The following LRCH3 variants were observed in gnomAD, a reference collection of about 807,000 sequenced individuals.
The protein encoded by LRCH3 is DISP complex protein LRCH3.
Under a neutral mutation model 104.5 loss-of-function variants are expected in LRCH3, and 68 were observed. The ratio of observed to expected loss-of-function variants is 0.65; its 90% CI spans 0.54 to 0.80. LRCH3 has a LOEUF of 0.80. LRCH3 is among the 30% of genes least tolerant of loss of function. LRCH3 has a pLI of 0.00. For missense variants in LRCH3, 951 were observed against 953.9 expected, an observed-to-expected ratio of 1.00 and a Z score of 0.04; for synonymous variants, 344 against 361.3, an observed-to-expected ratio of 0.95 and a Z score of 0.54.
chr3:197,844,694 T>C (rs1738350132), intron 10 of LRCH3, among the ~76,000 whole-genome samples: 1 of 152,128 alleles, frequency 6.6e-6, no homozygotes, highest in African/African-American at 2.4e-5. Flanking sequence ...CTTGACTCAC[T>C]GCAACCTCCA....
chr3:197,869,191 G>A (rs1328022347), intron 17 of LRCH3, among the ~76,000 whole-genome samples: 3 of 150,370 alleles, frequency 2.0e-5, no homozygotes, highest in South Asian at 4.2e-4. Context: ...AGTAGAAAGC[G>A]ATGCACTGTA....
In LRCH3 at chr3:197,805,360, G is replaced by C. The variant is rs568946873; in HGVS notation, c.263-9548G>C. On this transcript the variant is annotated intron_variant, in intron 1 of 20. Transcript: ENST00000425562. ...TTTTGAAGGAGAAGAACGTGCAACAGAAAAATCAAGGAGGCTTTTTCTTCA... is the reference window on the plus strand; with the variant it reads ...TTTTGAAGGAGAAGAACGTGCAACACAAAAATCAAGGAGGCTTTTTCTTCA... 3.9e-5 allele frequency among the ~76,000 whole-genome samples: 6 copies of C among 152,324 alleles called. No individual in the cohort carries two copies. The East Asian group carries it at 1.2e-3, about 29-fold the overall frequency.
At chr3:197,862,807 C>T (rs976388567) in intron 15 of LRCH3, among the ~76,000 whole-genome samples, 2 of 152,134 alleles carry the variant, frequency 1.3e-5, no homozygotes, top group African/African-American at 4.8e-5. Context: ...AGTTTACTTG[C>T]ATCTATAAAC....
chr3:197,855,732 C>CT (rs1351522333), intron 14 of LRCH3, among the ~76,000 whole-genome samples: 20 of 152,218 alleles, frequency 1.3e-4, no homozygotes, highest in African/African-American at 4.6e-4. Flanking sequence ...GCAAAATCCC[C>CT]TTAGTGCGTA....
intron 10 of LRCH3, among the ~76,000 whole-genome samples, chr3:197,842,954 T>G (rs577140168): frequency 3.5e-4 from 53 of 151,718 alleles, no homozygotes; most frequent in Middle Eastern, 3.4e-3. Context: ...GTGTGGTAGC[T>G]TGCACCTATA....
In LRCH3 at chr3:197,835,706, G is replaced by A; in HGVS notation, c.1135G>A (p.Asp379Asn). 1 of 1,613,768 alleles carries A rather than the reference G, an allele frequency of 6.2e-7. No homozygotes were observed. The highest frequency in any genetic ancestry group is 8.5e-7 in the Non-Finnish European group (1 of 1,179,948). Residue 379 changes from aspartate (D) to asparagine (N), a missense_variant, in exon 9 of 21, where the codon GAC becomes AAC. By Grantham distance (23) the Asp-to-Asn change is conservative (BLOSUM62 1). Coordinates refer to ENST00000425562, the MANE Select transcript of LRCH3 (RefSeq NM_001365715.1). Reference sequence around the variant, plus strand: ...TGATCTGGATCAGATTGACTACATAGACAGCTGCACCGCAGAGGAAGAGGA... The same window carrying A: ...TGATCTGGATCAGATTGACTACATAAACAGCTGCACCGCAGAGGAAGAGGA... ...EHDLDQIDYIDSCTAEEEEAE... is the reference protein window; with the variant it reads ...EHDLDQIDYINSCTAEEEEAE...
intron 8 of LRCH3, among the ~76,000 whole-genome samples, chr3:197,834,926 T>C (rs543696672): frequency 2.8e-4 from 42 of 152,222 alleles, no homozygotes; most frequent in African/African-American, 7.5e-4. Flanking sequence ...GGCGGATCGC[T>C]TGAGCCCAGG....
At chr3:197,843,537 A>G (rs1453707221) in intron 10 of LRCH3, among the ~76,000 whole-genome samples, 2 of 152,180 alleles carry the variant, frequency 1.3e-5, no homozygotes, top group African/African-American at 2.4e-5. Context: ...ACAAAAAATT[A>G]GTTGGGCGTG....
At chr3:197,835,135 C>A (rs1736575527) in intron 8 of LRCH3, among the ~76,000 whole-genome samples, 1 of 151,928 alleles carries the variant, frequency 6.6e-6, no homozygotes, top group African/African-American at 2.4e-5. Context: ...CAAAGGGAGA[C>A]CCTGTCTCAA....
chr3:197,873,012 G>A (rs888818038), intron 19 of LRCH3, among the ~76,000 whole-genome samples: 1 of 152,164 alleles, frequency 6.6e-6, no homozygotes, highest in African/African-American at 2.4e-5. Flanking sequence ...ATCTGTGACC[G>A]ACCTCAGGTG....
At chr3:197,844,395 G>GT (rs967776187) in intron 10 of LRCH3, among the ~76,000 whole-genome samples, 1 of 152,024 alleles carries the variant, frequency 6.6e-6, no homozygotes, top group African/African-American at 2.4e-5. Flanking sequence ...AATGAGAATG[G>GT]TTGTTGTTTT....
intron 20 of LRCH3, among the ~76,000 whole-genome samples, chr3:197,879,366 GCCGGGCGC>G (rs1713284154): frequency 1.3e-5 from 2 of 152,174 alleles, no homozygotes; most frequent in African/African-American, 4.8e-5. Flanking sequence ...ACACCCCCTG[GCCGGGCGC>G]GGTGGCTCAC....
At chr3:197,836,180 T>C (rs1736768630) in intron 9 of LRCH3, among the ~76,000 whole-genome samples, 1 of 152,226 alleles carries the variant, frequency 6.6e-6, no homozygotes, top group African/African-American at 2.4e-5. Flanking sequence ...AAATCATAGT[T>C]TGGTCAGTAG....
rs1417936502 is a variant in LRCH3 at position 197,806,705 on chromosome 3, C to A, written c.263-8203C>A. Among the ~76,000 whole-genome samples, 5 of 150,500 alleles carry A rather than the reference C, an allele frequency of 3.3e-5. No individual in the cohort carries two copies. In the South Asian group the frequency reaches 1.1e-3, roughly 32 times the overall value. ...ACCACCCTGGCTAACATGGTGAAAC[C>A]CTGTCTCTACTAAAAATACAAAATT... On this transcript the variant is annotated intron_variant, in intron 1 of 20. Coordinates refer to ENST00000425562, the MANE Select transcript of LRCH3 (RefSeq NM_001365715.1).
intron 16 of LRCH3, 95 bp downstream of exon 16, chr3:197,865,566 G>T (rs1741388133): frequency 2.6e-6 from 2 of 780,764 alleles, no homozygotes; most frequent in South Asian, 4.9e-5. Context: ...AGGCCTTTCT[G>T]TGTTGACCAG....
chr3:197,795,224 C>A (rs1731054902), intron 1 of LRCH3, among the ~76,000 whole-genome samples: 1 of 152,038 alleles, frequency 6.6e-6, no homozygotes, highest in African/African-American at 2.4e-5. Flanking sequence ...GTATAAGGGA[C>A]ATCAGTTAAT....
At chr3:197,848,290 C>T (rs1452708213) in intron 12 of LRCH3, 1 of 330,546 alleles carries the variant, frequency 3.0e-6, no homozygotes, top group Non-Finnish European at 5.6e-6. Context: ...TAGTAAAGAT[C>T]AGTAAGATGA....
intron 20 of LRCH3, chr3:197,881,985 G>A (rs1315157043): frequency 6.1e-6 from 6 of 985,316 alleles, no homozygotes; most frequent in African/African-American, 1.7e-5. Context: ...TCAGTTTTCT[G>A]TGTCAGTAGG....
chr3:197,792,574 ATT>A (rs1491387962), intron 1 of LRCH3, among the ~76,000 whole-genome samples: 654 of 10,106 alleles, frequency 0.065, 29 homozygotes, highest in Middle Eastern at 0.18. Context: ...CGCCCAGCTA[ATT>A]TTATATATAT....
Sources: allele counts gnomAD v4.1 joint callset (sites outside exome capture counted in the v4.1 genomes callset), GRCh38; gene constraint gnomAD v4.1.1; transcripts MANE v1.5; gene names NCBI Gene and HGNC (gene_info 2026-07-23, HGNC 2026-07-21).